The following EPHB1 variants were observed in gnomAD, a reference collection of about 807,000 sequenced individuals.
The protein encoded by EPHB1 is EPH receptor B1.
In EPHB1, 30 loss-of-function variants were observed where a neutral mutation model predicts 94.4. The observed-to-expected ratio is 0.32, with a 90% CI of 0.24 to 0.43. The LOEUF is 0.43. Among genes scored for constraint, EPHB1 ranks in the 20% least tolerant of loss-of-function variants. The pLI is 1.00. For synonymous variants in EPHB1, 522 were observed against 489.1 expected (o/e 1.07, Z -0.89); for missense variants, 1,055 against 1,308.3 (o/e 0.81, Z 2.99).
At chr3:135,163,994 T>C (rs932738191) in intron 7 of EPHB1, among the ~76,000 whole-genome samples, 7 of 152,194 alleles carry the variant, frequency 4.6e-5, no homozygotes, top group African/African-American at 1.4e-4. Flanking sequence ...AACCTCCACA[T>C]AGGGCAGACC....
chr3:134,925,955 C>G (rs192408935), intron 2 of EPHB1, 75 bp downstream of exon 2: 2 of 1,312,712 alleles, frequency 1.5e-6, no homozygotes, highest in East Asian at 5.1e-5. Context: ...GGAGTAGAGA[C>G]TACCCAGAGC....
chr3:135,250,495 A>G (rs1330996366), intron 15 of EPHB1, among the ~76,000 whole-genome samples: 1 of 152,014 alleles, frequency 6.6e-6, no homozygotes, highest in Non-Finnish European at 1.5e-5. Context: ...AGGGCCTTTA[A>G]AAAATATTGA....
At chr3:134,886,308 TTACTCTGGCCA>T (rs2037860049) in intron 1 of EPHB1, among the ~76,000 whole-genome samples, 2 of 152,190 alleles carry the variant, frequency 1.3e-5, no homozygotes, top group Non-Finnish European at 2.9e-5. Context: ...TTTTGAACAC[TTACTCTGGCCA>T]GTCATTCTCT....
intron 4 of EPHB1, among the ~76,000 whole-genome samples, chr3:135,116,291 C>T (rs1939706417): frequency 6.6e-6 from 1 of 152,130 alleles, no homozygotes; most frequent in Non-Finnish European, 1.5e-5. Flanking sequence ...GGAGAGCCAT[C>T]CTAGGTTAGC....
At chr3:134,931,965 A>G (rs2038912920) in intron 2 of EPHB1, among the ~76,000 whole-genome samples, 1 of 151,874 alleles carries the variant, frequency 6.6e-6, no homozygotes, top group Non-Finnish European at 1.5e-5. Context: ...ATATATATGA[A>G]TGTATATATG....
At chr3:135,031,112 C>G (rs1353059250) in intron 3 of EPHB1, among the ~76,000 whole-genome samples, 2 of 152,264 alleles carry the variant, frequency 1.3e-5, no homozygotes. Flanking sequence ...CACTGACCTG[C>G]GCCCACTGTC....
intron 4 of EPHB1, among the ~76,000 whole-genome samples, chr3:135,123,237 A>C (rs11923488): frequency 0.012 from 1,758 of 152,334 alleles, 28 homozygotes; most frequent in African/African-American, 0.041. Context: ...CTCATGATTA[A>C]ACTGTAGACA....
intron 3 of EPHB1, among the ~76,000 whole-genome samples, chr3:135,004,262 T>C (rs1208740010): frequency 1.3e-5 from 2 of 151,260 alleles, no homozygotes; most frequent in Non-Finnish European, 3.0e-5. Context: ...AAAATTCTTT[T>C]CTTTAAGAAT....
chr3:135,254,677 T>A (rs537294423), intron 15 of EPHB1, among the ~76,000 whole-genome samples: 1 of 142,678 alleles, frequency 7.0e-6, no homozygotes, highest in East Asian at 2.2e-4. Flanking sequence ...AAAATTCTCT[T>A]TTTTTTGTGT....
chr3:135,094,827 T>C (rs1255035602), intron 3 of EPHB1, among the ~76,000 whole-genome samples: 1 of 152,190 alleles, frequency 6.6e-6, no homozygotes, highest in Non-Finnish European at 1.5e-5. Flanking sequence ...ATGCAGGTAA[T>C]GCTGCAGCTT....
At chr3:135,095,207 G>A (rs924194228) in intron 3 of EPHB1, among the ~76,000 whole-genome samples, 2 of 152,190 alleles carry the variant, frequency 1.3e-5, no homozygotes, top group Non-Finnish European at 2.9e-5. Context: ...TAGCCCTAGA[G>A]GATGAAGTGT....
At position 135,179,749 on chromosome 3, in the gene EPHB1, T is replaced by C. The variant is rs114435181; in HGVS notation, c.1760-111T>C. ...GAGGCAGAGAAAAGTTGCAGCCTGGTGTGTAGGAGAGCTCCTCCCAGGAAT... is the reference window on the plus strand; with the variant it reads ...GAGGCAGAGAAAAGTTGCAGCCTGGCGTGTAGGAGAGCTCCTCCCAGGAAT... On this transcript the variant is annotated intron_variant, in intron 9 of 15. Coordinates refer to ENST00000398015, the MANE Select transcript of EPHB1 (RefSeq NM_004441.5). 3.8e-3 allele frequency: 4,974 copies of C among 1,300,970 alleles called. 15 individuals are homozygous for C. The highest frequency in any genetic ancestry group is 5.0e-3 in the Non-Finnish European group (4,702 of 935,660). The allele number at this position is 1,300,970 out of a possible 1,614,324, so 80.6% of individuals were successfully genotyped here. A position where few individuals can be genotyped will look rare whatever the true frequency, so the allele number is the denominator to read the frequency against.
In EPHB1 at chr3:135,154,150, A is replaced by G. The variant is rs1474476317; in HGVS notation, c.1298-2A>G. On this transcript the variant is annotated splice_acceptor_variant, in intron 5 of 15. Coordinates refer to ENST00000398015, the MANE Select transcript of EPHB1 (RefSeq NM_004441.5). LOFTEE classifies it high-confidence loss of function. ...CTACCCTGTTTCTTTCTCTCTCCAC[A>G]GCCCCCTCCACCGTTCCCATCATGC... The G allele has an allele frequency of 6.2e-7, 1 of 1,613,824 alleles. No individual in the cohort carries two copies. The highest frequency in any genetic ancestry group is 8.5e-7 in the Non-Finnish European group (1 of 1,179,810).
intron 10 of EPHB1, among the ~76,000 whole-genome samples, chr3:135,187,268 A>T (rs564260295): frequency 3.9e-5 from 6 of 152,222 alleles, no homozygotes; most frequent in Non-Finnish European, 8.8e-5. Flanking sequence ...AGAATCAACC[A>T]CAACCACTCC....
At chr3:135,177,521 C>G (rs1226467475) in intron 9 of EPHB1, among the ~76,000 whole-genome samples, 1 of 152,188 alleles carries the variant, frequency 6.6e-6, no homozygotes, top group Non-Finnish European at 1.5e-5. Context: ...CAGAGTGGGA[C>G]AACTCTGAAG....
At chr3:135,077,927 G>T (rs776503753) in intron 3 of EPHB1, among the ~76,000 whole-genome samples, 38 of 152,152 alleles carry the variant, frequency 2.5e-4, no homozygotes, top group Admixed American at 4.6e-4. Context: ...CCCTAATTTT[G>T]GAGCCCTTAT....
At chr3:135,137,654 C>G (rs966975128) in intron 5 of EPHB1, among the ~76,000 whole-genome samples, 2 of 152,052 alleles carry the variant, frequency 1.3e-5, no homozygotes, top group African/African-American at 4.8e-5. Context: ...CATTTCTTGC[C>G]TATAAAACAG....
intron 5 of EPHB1, among the ~76,000 whole-genome samples, chr3:135,150,119 C>A (rs1941147964): frequency 6.6e-6 from 1 of 152,136 alleles, no homozygotes; most frequent in African/African-American, 2.4e-5. Flanking sequence ...AGAGTAGAGG[C>A]AAGGAGAAGA....
At chr3:134,969,710 A>G (rs1404373770) in intron 3 of EPHB1, among the ~76,000 whole-genome samples, 1 of 152,176 alleles carries the variant, frequency 6.6e-6, no homozygotes, top group African/African-American at 2.4e-5. Context: ...ACTTGAAATC[A>G]AATTTTTATC....
Sources: gnomAD v4.1 joint callset for allele counts (sites outside exome capture counted in the v4.1 genomes callset) on GRCh38, gnomAD v4.1.1 for gene constraint, MANE v1.5 for transcripts, NCBI Gene and HGNC (gene_info 2026-07-23, HGNC 2026-07-21) for gene names.